The following PPP2R5E variants were observed in gnomAD, a reference collection of about 807,000 sequenced individuals.
The protein encoded by PPP2R5E is protein phosphatase 2 regulatory subunit B'epsilon, also known as serine/threonine-protein phosphatase 2A 56 kDa regulatory subunit epsilon isoform.
In PPP2R5E, 4 loss-of-function variants were observed where a neutral mutation model predicts 65.3. The observed-to-expected ratio is 0.06, with a 90% CI of 0.03 to 0.14. The LOEUF is 0.14. Among genes scored for constraint, PPP2R5E ranks in the 10% least tolerant of loss-of-function variants. The probability of loss-of-function intolerance (pLI) is 1.00; values close to 1 mark genes in which losing one functional copy is unlikely to be tolerated. For missense variants in PPP2R5E, 274 were observed against 556.1 expected (o/e 0.49, Z 5.10); for synonymous variants, 183 against 187.4 (o/e 0.98, Z 0.19).
At chr14:63,463,878 G>C (rs573612584) in intron 2 of PPP2R5E, among the ~76,000 whole-genome samples, 17 of 152,276 alleles carry the variant, frequency 1.1e-4, no homozygotes, top group East Asian at 3.9e-4. Flanking sequence ...TTACAGGCGT[G>C]AGCCATCGCG....
At chr14:63,465,985 C>T (rs898636971) in intron 2 of PPP2R5E, among the ~76,000 whole-genome samples, 2 of 152,120 alleles carry the variant, frequency 1.3e-5, no homozygotes, top group African/African-American at 4.8e-5. Flanking sequence ...AAGCATGTAA[C>T]ATTCAATTGA....
chr14:63,488,871 A>T (rs868478285), intron 2 of PPP2R5E, among the ~76,000 whole-genome samples: 22 of 150,980 alleles, frequency 1.5e-4, no homozygotes, highest in Admixed American at 5.3e-4. Context: ...TAATTTAATT[A>T]AATATAAATA....
chr14:63,382,548 C>T (rs776343179), intron 12 of PPP2R5E, among the ~76,000 whole-genome samples: 1 of 151,998 alleles, frequency 6.6e-6, no homozygotes, highest in African/African-American at 2.4e-5. Context: ...ATTACAGAAG[C>T]GAGCCACCAC....
intron 3 of PPP2R5E, among the ~76,000 whole-genome samples, chr14:63,429,380 A>G (rs1887502097): frequency 6.6e-6 from 1 of 152,244 alleles, no homozygotes. Flanking sequence ...GATTACATCT[A>G]AAAGGTAAAT....
chr14:63,431,797 T>C (rs563060300), intron 3 of PPP2R5E, among the ~76,000 whole-genome samples: 1 of 152,284 alleles, frequency 6.6e-6, no homozygotes, highest in South Asian at 2.1e-4. Flanking sequence ...CTAAAGCGAG[T>C]AATTACTTTA....
intron 6 of PPP2R5E, 21 bp downstream of exon 6, chr14:63,396,565 C>G (rs1321479673): frequency 6.2e-7 from 1 of 1,608,794 alleles, no homozygotes; most frequent in South Asian, 1.1e-5. Context: ...TCTCCTTCTT[C>G]CCCCATCACA....
rs553716789 is a variant in PPP2R5E, at chr14:63,470,320, G to T, written c.158-16435C>A. Reference sequence around the variant, plus strand: ...CTCCTAGGCTCAAGGGATCCTTGCCGCCTGGACCTCCCAAAGTGCTGGGAT... The same window carrying T: ...CTCCTAGGCTCAAGGGATCCTTGCCTCCTGGACCTCCCAAAGTGCTGGGAT... On this transcript the variant is annotated intron_variant, in intron 2 of 13. Coordinates refer to ENST00000337537, the MANE Select transcript of PPP2R5E (RefSeq NM_006246.5). Among the ~76,000 whole-genome samples the T allele has an allele frequency of 7.9e-5, 12 of 151,870 alleles. No individual in the cohort carries two copies. The South Asian group carries it at 8.3e-4, about 11-fold the overall frequency.
rs1185192296 is a variant in PPP2R5E at position 63,543,027 on chromosome 14, T to TC, written c.-257dup. ...GGTGGCGGCGGCGGCCTCACGATCC[T>TC]CCCCCGCGGGCCCGTCCCATCAAAT... On this transcript the variant is annotated 5_prime_UTR_variant, in exon 1 of 14. The change abolishes the stop of an existing upstream ORF in the 5' untranslated region. Coordinates refer to ENST00000337537, the MANE Select transcript of PPP2R5E (RefSeq NM_006246.5). 6.6e-6 allele frequency: 1 copy of TC among 152,264 alleles called. No individual in the cohort carries two copies. Among genetic ancestry groups the TC allele is most frequent in the African/African-American group, 2.4e-5 (1 of 41,198 alleles). The allele number at this position is 152,264 out of a possible 1,614,324, so 9.4% of individuals were successfully genotyped here. A position where few individuals can be genotyped will look rare whatever the true frequency, so the allele number is the denominator to read the frequency against.
At chr14:63,478,794 A>G (rs1027106684) in intron 2 of PPP2R5E, among the ~76,000 whole-genome samples, 1 of 152,102 alleles carries the variant, frequency 6.6e-6, no homozygotes, top group African/African-American at 2.4e-5. Context: ...AGATTAAGTC[A>G]CTTAACTTCT....
intron 2 of PPP2R5E, among the ~76,000 whole-genome samples, chr14:63,532,405 A>G (rs957092349): frequency 6.6e-6 from 1 of 152,218 alleles, no homozygotes; most frequent in Non-Finnish European, 1.5e-5. Context: ...TCTCCAGGTG[A>G]AGATGTTTAG....
chr14:63,398,099 T>C (rs1264522957), intron 5 of PPP2R5E, among the ~76,000 whole-genome samples: 1 of 152,198 alleles, frequency 6.6e-6, no homozygotes, highest in Non-Finnish European at 1.5e-5. Flanking sequence ...TAACATCACA[T>C]CTACATGCTC....
In PPP2R5E at chr14:63,498,303, G is replaced by A. The variant is rs539004237; in HGVS notation, c.157+41226C>T. Among the ~76,000 whole-genome samples, 6 of 152,262 alleles carry A rather than the reference G, an allele frequency of 3.9e-5. No individual in the cohort carries two copies. The East Asian group carries it at 1.2e-3, about 29-fold the overall frequency. On this transcript the variant is annotated intron_variant, in intron 2 of 13. Transcript: ENST00000337537. ...AAAAGAAACTACAAAATATATGCAT[G>A]CTTTTAAACAAATGTATACTATCAG... is the stretch of plus-strand genomic sequence containing the variant.
At chr14:63,499,727 A>T (rs917944531) in intron 2 of PPP2R5E, among the ~76,000 whole-genome samples, 18 of 151,624 alleles carry the variant, frequency 1.2e-4, no homozygotes, top group African/African-American at 4.1e-4. Context: ...ATTCTATCTC[A>T]GAAAAAAAAA....
At chr14:63,400,992 GA>G (rs35174630) in intron 5 of PPP2R5E, among the ~76,000 whole-genome samples, 435 of 152,218 alleles carry the variant, frequency 2.9e-3, no homozygotes, top group Non-Finnish European at 5.2e-3. Context: ...TGAGTTTAAT[GA>G]ATACACAATA....
chr14:63,495,886 T>G (rs1258863653), intron 2 of PPP2R5E, among the ~76,000 whole-genome samples: 1 of 151,964 alleles, frequency 6.6e-6, no homozygotes, highest in Non-Finnish European at 1.5e-5. Context: ...AGACAAGGTT[T>G]CCCTATGTTG....
At position 63,514,835 on chromosome 14, in the gene PPP2R5E, A is replaced by G. The variant is rs78151090; in HGVS notation, c.157+24694T>C. Among the ~76,000 whole-genome samples, 935 of 152,290 alleles carry G rather than the reference A, an allele frequency of 6.1e-3. 7 individuals are homozygous for G. The highest frequency in any genetic ancestry group is 0.021 in the African/African-American group (891 of 41,558). On this transcript the variant is annotated intron_variant, in intron 2 of 13. Coordinates refer to ENST00000337537, the MANE Select transcript of PPP2R5E (RefSeq NM_006246.5). ...CTGCTACTCTAGGCATTTCACATAT[A>G]TCACCTCTAAAATGAATCCTGCAAG...
chr14:63,430,004 T>C (rs1250347228), intron 3 of PPP2R5E, among the ~76,000 whole-genome samples: 1 of 152,138 alleles, frequency 6.6e-6, no homozygotes, highest in Non-Finnish European at 1.5e-5. Context: ...CATAATATTT[T>C]ATGTTAGCAC....
intron 2 of PPP2R5E, among the ~76,000 whole-genome samples, chr14:63,464,735 A>C (rs28696283): frequency 0.3 from 45,630 of 151,988 alleles, 8,533 homozygotes; most frequent in African/African-American, 0.53. Flanking sequence ...AAGAAAATAT[A>C]CTCTGGCCAG....
At chr14:63,384,145 T>TA (rs1263588646) in intron 12 of PPP2R5E, among the ~76,000 whole-genome samples, 1 of 152,158 alleles carries the variant, frequency 6.6e-6, no homozygotes, top group Non-Finnish European at 1.5e-5. Flanking sequence ...AGATTCAGTC[T>TA]AAGCATGGCC....
Sources: gnomAD v4.1 joint callset for allele counts (sites outside exome capture counted in the v4.1 genomes callset) on GRCh38, gnomAD v4.1.1 for gene constraint, MANE v1.5 for transcripts, NCBI Gene and HGNC (gene_info 2026-07-23, HGNC 2026-07-21) for gene names.